NRXN3: variants seen among roughly 807,000 people sequenced by gnomAD.
NRXN3 encodes the protein neurexin III.
A neutral mutation model predicts 137.6 loss-of-function variants in NRXN3; 32 were observed. The observed-to-expected ratio is 0.23, with a 90% CI of 0.18 to 0.31. The LOEUF (loss-of-function observed/expected upper bound fraction) is 0.31, where lower values mean the gene tolerates loss of function less well. Ranked by LOEUF, NRXN3 falls within the 10% of genes least tolerant of loss-of-function variation. The pLI is 1.00. For synonymous variants in NRXN3, 798 were observed against 784.5 expected (o/e 1.02, Z -0.29); for missense variants, 1,574 against 2,062.5 (o/e 0.76, Z 4.59).
chr14:78,448,287 C>T (rs142127884), intron 4 of NRXN3, among the ~76,000 whole-genome samples: 14 of 152,226 alleles, frequency 9.2e-5, no homozygotes, highest in Middle Eastern at 3.4e-3. Context: ...GAGCAATTGC[C>T]CAATACCTGT....
intron 2 of NRXN3, among the ~76,000 whole-genome samples, chr14:78,265,307 T>A (rs1481491340): frequency 6.6e-6 from 1 of 152,088 alleles, no homozygotes. Flanking sequence ...ACTTAATAGG[T>A]TTTTGTTAAG....
At position 79,334,526 on chromosome 14, in the gene NRXN3, TA is replaced by T. The variant is rs1312417894; in HGVS notation, c.3263-132692del. On this transcript the variant is annotated intron_variant, in intron 15 of 20. Transcript: ENST00000335750. ...TGAGCCCGCAGGGCAGGACAGGGGG[TA>T]AAGTGAGGTCAAAGAGATAACCAGG... Among the ~76,000 whole-genome samples the T allele has an allele frequency of 4.6e-5, 7 of 152,084 alleles. No individual in the cohort carries two copies. In the South Asian group the frequency reaches 6.2e-4, roughly 14 times the overall value.
chr14:79,675,189 C>A (rs1240972055), intron 17 of NRXN3, among the ~76,000 whole-genome samples: 1 of 151,932 alleles, frequency 6.6e-6, no homozygotes, highest in Non-Finnish European at 1.5e-5. Context: ...TTAGGGATCA[C>A]CAAACCTTTT....
intron 15 of NRXN3, among the ~76,000 whole-genome samples, chr14:79,030,451 C>A (rs566910275): frequency 6.6e-6 from 1 of 152,004 alleles, no homozygotes; most frequent in Non-Finnish European, 1.5e-5. Context: ...ACAAACCCCT[C>A]CTCTCCACCC....
At chr14:79,142,691 C>A (rs2058916385) in intron 15 of NRXN3, among the ~76,000 whole-genome samples, 1 of 152,078 alleles carries the variant, frequency 6.6e-6, no homozygotes, top group African/African-American at 2.4e-5. Context: ...ACTTAGATAA[C>A]CCTGACAGCC....
At chr14:78,382,963 T>G (rs891325559) in intron 4 of NRXN3, among the ~76,000 whole-genome samples, 5 of 152,094 alleles carry the variant, frequency 3.3e-5, no homozygotes, top group African/African-American at 1.2e-4. Context: ...TTATGGTCAG[T>G]TTGGGTGTTC....
At chr14:79,237,827 T>C (rs569849814) in intron 15 of NRXN3, among the ~76,000 whole-genome samples, 18 of 152,276 alleles carry the variant, frequency 1.2e-4, no homozygotes, top group African/African-American at 4.3e-4. Flanking sequence ...TGTTTCTTAA[T>C]GATTTTGTGA....
chr14:78,717,955 A>G (rs1385576809), intron 8 of NRXN3, among the ~76,000 whole-genome samples: 1 of 152,192 alleles, frequency 6.6e-6, no homozygotes. Context: ...AGGGGATCCA[A>G]GCTTTCTTGG....
In NRXN3 at chr14:79,205,601, T is replaced by C. The variant is rs145449764; in HGVS notation, c.3262+217460T>C. On this transcript the variant is annotated intron_variant, in intron 15 of 20. Transcript: ENST00000335750. ...TATCCACCATCATCAATCACCATTATTGTATTTTTATTGCTTGGATTAATT... is the reference window on the plus strand; with the variant it reads ...TATCCACCATCATCAATCACCATTACTGTATTTTTATTGCTTGGATTAATT... 8.0e-3 allele frequency among the ~76,000 whole-genome samples: 1,219 copies of C among 152,330 alleles called. 7 individuals are homozygous for C. The highest frequency in any genetic ancestry group is 0.014 in the Non-Finnish European group (963 of 68,032).
chr14:79,121,840 G>A (rs1470166431), intron 15 of NRXN3, among the ~76,000 whole-genome samples: 1 of 152,180 alleles, frequency 6.6e-6, no homozygotes, highest in African/African-American at 2.4e-5. Context: ...TTGTTAGAAG[G>A]CTGGAGTTAT....
intron 20 of NRXN3, among the ~76,000 whole-genome samples, chr14:79,815,632 G>A (rs557383803): frequency 6.6e-6 from 1 of 152,274 alleles, no homozygotes; most frequent in African/African-American, 2.4e-5. Flanking sequence ...TATTGATTAT[G>A]AGCCAGGTAA....
At chr14:79,097,013 A>ATTTT (rs75520562) in intron 15 of NRXN3, among the ~76,000 whole-genome samples, 2 of 143,402 alleles carry the variant, frequency 1.4e-5, no homozygotes, top group African/African-American at 5.2e-5. Context: ...GGCCAAAATG[A>ATTTT]TTTTTTTTTT....
At chr14:78,537,223 A>G (rs1309341089) in intron 4 of NRXN3, among the ~76,000 whole-genome samples, 1 of 152,198 alleles carries the variant, frequency 6.6e-6, no homozygotes. Flanking sequence ...ACTCCCACCA[A>G]CAGTGTAAAA....
At chr14:78,851,275 A>T (rs2099041763) in intron 10 of NRXN3, among the ~76,000 whole-genome samples, 1 of 152,146 alleles carries the variant, frequency 6.6e-6, no homozygotes, top group African/African-American at 2.4e-5. Context: ...TAGTGTTGAC[A>T]TATTTTTACG....
chr14:78,524,305 G>A (rs2096340952), intron 4 of NRXN3, among the ~76,000 whole-genome samples: 1 of 152,180 alleles, frequency 6.6e-6, no homozygotes, highest in African/African-American at 2.4e-5. Flanking sequence ...TTACACTGTG[G>A]TACAGTGATC....
chr14:78,403,491 T>C (rs547623686), intron 4 of NRXN3, among the ~76,000 whole-genome samples: 21 of 152,252 alleles, frequency 1.4e-4, no homozygotes, highest in African/African-American at 5.1e-4. Context: ...CATGACACAA[T>C]CTGCAGATTC....
intron 15 of NRXN3, among the ~76,000 whole-genome samples, chr14:79,441,366 CTTTTTTTTTTTTTTTT>C (rs869170695): frequency 1.8e-4 from 12 of 67,250 alleles, no homozygotes; most frequent in Middle Eastern, 0.017. Flanking sequence ...AACAGAAAAT[CTTTTTTTTTTTTTTTT>C]TTTTTTTTTT....
chr14:78,372,278 T>TTTTTC (rs1286528663), intron 4 of NRXN3, among the ~76,000 whole-genome samples: 1 of 145,244 alleles, frequency 6.9e-6, no homozygotes, highest in Non-Finnish European at 1.5e-5. Flanking sequence ...ACTTCTCTCT[T>TTTTTC]TTTTCTTTTC....
In NRXN3 at chr14:79,361,777, G is replaced by A. The variant is rs576608745; in HGVS notation, c.3263-105444G>A. On this transcript the variant is annotated intron_variant, in intron 15 of 20. Coordinates refer to ENST00000335750, the MANE Select transcript of NRXN3 (RefSeq NM_001330195.2). ...AAAATGACTGATATCGATTGATGAC[G>A]TTGAGAGCAATGACCAGATATAAGG... Among the ~76,000 whole-genome samples, 16 of 152,138 alleles carry A rather than the reference G, an allele frequency of 1.1e-4. No individual in the cohort carries two copies. In the East Asian group the frequency reaches 1.9e-3, roughly 18 times the overall value.
Sources: allele counts gnomAD v4.1 joint callset (sites outside exome capture counted in the v4.1 genomes callset), GRCh38; gene constraint gnomAD v4.1.1; transcripts MANE v1.5; gene names NCBI Gene and HGNC (gene_info 2026-07-23, HGNC 2026-07-21).